The following CNTNAP5 variants were observed in gnomAD, a reference collection of about 807,000 sequenced individuals.
The protein encoded by CNTNAP5 is contactin-associated protein-like 5.
Under a neutral mutation model 150.2 loss-of-function variants are expected in CNTNAP5, and 72 were observed. The ratio of observed to expected loss-of-function variants is 0.48; its 90% confidence interval spans 0.40 to 0.58. The LOEUF (loss-of-function observed/expected upper bound fraction) is 0.58, where lower values mean the gene tolerates loss of function less well. Among genes scored for constraint, CNTNAP5 ranks in the 20% least tolerant of loss-of-function variants. The probability of loss-of-function intolerance (pLI) is 0.00; values close to 1 mark genes in which losing one functional copy is unlikely to be tolerated. For synonymous variants in CNTNAP5, 672 were observed against 619.8 expected (o/e 1.08, Z -1.25); for missense variants, 1,636 against 1,626.2 (o/e 1.01, Z -0.10).
intron 13 of CNTNAP5, among the ~76,000 whole-genome samples, chr2:124,714,013 T>A (rs1430968053): frequency 6.6e-6 from 1 of 152,178 alleles, no homozygotes; most frequent in Non-Finnish European, 1.5e-5. Flanking sequence ...TATTATTATT[T>A]GGCCAAGAAT....
At chr2:124,913,966 C>A in intron 23 of CNTNAP5, 126 bp from the exon 24 acceptor site, 1 of 619,972 alleles carries the variant, frequency 1.6e-6, no homozygotes, top group South Asian at 2.6e-5. Context: ...GGCAGAGTTG[C>A]GTTTGTGTGA....
At chr2:124,385,961 A>G (rs1244262678) in intron 3 of CNTNAP5, among the ~76,000 whole-genome samples, 1 of 151,892 alleles carries the variant, frequency 6.6e-6, no homozygotes, top group East Asian at 2.0e-4. Context: ...TTCACTATGT[A>G]TCTCCATAAT....
chr2:124,233,840 T>C (rs1686682382), intron 2 of CNTNAP5, among the ~76,000 whole-genome samples: 1 of 151,596 alleles, frequency 6.6e-6, no homozygotes, highest in Admixed American at 6.6e-5. Flanking sequence ...CTAACCATAC[T>C]ATTTTTATAG....
Position 124,618,287 on chromosome 2 carries a change from A to G in CNTNAP5, c.1876+8367A>G, listed in dbSNP as rs1677532308. On this transcript the variant is annotated intron_variant, in intron 12 of 23. Transcript: ENST00000682447. Reference sequence around the variant, plus strand: ...AATTAAAAAAAAAGATGAGCAACAGACTAAGAGGTAGCAACAAGATGTCCT... The same window carrying G: ...AATTAAAAAAAAAGATGAGCAACAGGCTAAGAGGTAGCAACAAGATGTCCT... Among the ~76,000 whole-genome samples, 4 of 152,162 alleles carry G rather than the reference A, an allele frequency of 2.6e-5. No homozygotes were observed. In the South Asian group the frequency reaches 8.3e-4, roughly 31 times the overall value.
intron 1 of CNTNAP5, among the ~76,000 whole-genome samples, chr2:124,201,071 T>C (rs758319369): frequency 6.6e-6 from 1 of 152,204 alleles, no homozygotes; most frequent in Non-Finnish European, 1.5e-5. Flanking sequence ...TCACAAGTGC[T>C]AAGAGTTGAA....
At chr2:124,115,759 G>T (rs369861623) in intron 1 of CNTNAP5, among the ~76,000 whole-genome samples, 1 of 149,248 alleles carries the variant, frequency 6.7e-6, no homozygotes, top group East Asian at 2.0e-4. Flanking sequence ...TGAGTAGCTG[G>T]GACTACAGGC....
chr2:124,880,237 C>G (rs1677939313), intron 21 of CNTNAP5, among the ~76,000 whole-genome samples: 1 of 152,098 alleles, frequency 6.6e-6, no homozygotes, highest in Admixed American at 6.6e-5. Flanking sequence ...GTGTATTTTT[C>G]CTTTACACTT....
intron 13 of CNTNAP5, among the ~76,000 whole-genome samples, chr2:124,670,916 A>G (rs1678810758): frequency 6.6e-6 from 1 of 152,084 alleles, no homozygotes; most frequent in African/African-American, 2.4e-5. Flanking sequence ...GATATAATTT[A>G]CTAACTTATG....
chr2:124,710,104 TG>T (rs1679775217), intron 13 of CNTNAP5, among the ~76,000 whole-genome samples: 1 of 149,652 alleles, frequency 6.7e-6, no homozygotes, highest in South Asian at 2.1e-4. Flanking sequence ...GACAATGTTG[TG>T]TTTATGCCGA....
chr2:124,709,626 TATGAATCATA>T (rs1679765031), intron 13 of CNTNAP5, among the ~76,000 whole-genome samples: 1 of 152,152 alleles, frequency 6.6e-6, no homozygotes, highest in East Asian at 1.9e-4. Context: ...CTTATAAGAC[TATGAATCATA>T]ATTTTTGGAG....
intron 1 of CNTNAP5, among the ~76,000 whole-genome samples, chr2:124,175,590 C>T (rs951572904): frequency 6.6e-6 from 1 of 152,078 alleles, no homozygotes; most frequent in Non-Finnish European, 1.5e-5. Flanking sequence ...AGCCCTTGCC[C>T]CCACCCAAGT....
intron 6 of CNTNAP5, among the ~76,000 whole-genome samples, chr2:124,464,944 A>G (rs1693342139): frequency 1.3e-5 from 2 of 152,164 alleles, no homozygotes; most frequent in Non-Finnish European, 2.9e-5. Flanking sequence ...GTGGACTGTC[A>G]GAACAAAAGT....
intron 10 of CNTNAP5, among the ~76,000 whole-genome samples, chr2:124,542,660 C>T (rs764145482): frequency 1.3e-5 from 2 of 152,252 alleles, no homozygotes; most frequent in South Asian, 2.1e-4. Flanking sequence ...TCACACTCTT[C>T]TTTGCTTATT....
At chr2:124,026,282 G>A (rs1421926112) in intron 1 of CNTNAP5, among the ~76,000 whole-genome samples, 1 of 152,184 alleles carries the variant, frequency 6.6e-6, no homozygotes, top group Non-Finnish European at 1.5e-5. Context: ...TTTGGCCTAA[G>A]AGTCATGGAC....
chr2:124,880,334 A>T (rs1677940705), intron 21 of CNTNAP5, among the ~76,000 whole-genome samples: 1 of 152,142 alleles, frequency 6.6e-6, no homozygotes, highest in African/African-American at 2.4e-5. Context: ...CTTGATAAAG[A>T]ATCACATGGC....
At chr2:124,897,938 TGTGTGTGTG>T (rs1678339905) in intron 21 of CNTNAP5, among the ~76,000 whole-genome samples, 1 of 4,198 alleles carries the variant, frequency 2.4e-4, no homozygotes, top group Non-Finnish European at 3.3e-3. Flanking sequence ...AAATGCCAAG[TGTGTGTGTG>T]TGTGTGTGTG....
At chr2:124,648,421 AG>A (rs1291040565) in intron 13 of CNTNAP5, among the ~76,000 whole-genome samples, 1 of 152,126 alleles carries the variant, frequency 6.6e-6, no homozygotes, top group African/African-American at 2.4e-5. Context: ...GGGCAGTGTT[AG>A]GCAGGGAGGC....
At chr2:124,612,046 T>C (rs879809604) in intron 12 of CNTNAP5, among the ~76,000 whole-genome samples, 1 of 152,240 alleles carries the variant, frequency 6.6e-6, no homozygotes, top group Non-Finnish European at 1.5e-5. Flanking sequence ...TCAGTAATAA[T>C]TCATATCACT....
chr2:124,748,861 TG>T (rs1284461022), intron 14 of CNTNAP5, among the ~76,000 whole-genome samples: 2 of 152,158 alleles, frequency 1.3e-5, no homozygotes, highest in Non-Finnish European at 2.9e-5. Context: ...CCTCTTCATG[TG>T]GGTAAAATCA....
Sources: allele counts gnomAD v4.1 joint callset (sites outside exome capture counted in the v4.1 genomes callset), GRCh38; gene constraint gnomAD v4.1.1; transcripts MANE v1.5; gene names NCBI Gene and HGNC (gene_info 2026-07-23, HGNC 2026-07-21).